Variants in PPIH observed in about 807,000 individuals in gnomAD.
The protein encoded by PPIH is peptidyl-prolyl cis-trans isomerase H.
A neutral mutation model predicts 27.6 loss-of-function variants in PPIH; 16 were observed. The ratio of observed to expected loss-of-function variants is 0.58; its 90% CI spans 0.39 to 0.88. PPIH has a LOEUF of 0.88. Ranked by LOEUF, PPIH falls within the 40% of genes least tolerant of loss-of-function variation. PPIH has a pLI of 0.00. For missense variants in PPIH, 155 were observed against 224.1 expected, an observed-to-expected ratio of 0.69 and a Z score of 1.97; for synonymous variants, 63 against 76.1, an observed-to-expected ratio of 0.83 and a Z score of 0.90.
At chr1:42,658,808 GGAC>G (rs1165194619) in intron 1 of PPIH, 33 bp from the exon 2 acceptor site, 3 of 1,611,086 alleles carry the variant, frequency 1.9e-6, no homozygotes, top group Non-Finnish European at 2.5e-6. Flanking sequence ...TCATGGTCTT[GGAC>G]TGGGCCTTCT....
intron 5 of PPIH, among the ~76,000 whole-genome samples, chr1:42,664,476 G>A (rs1254868417): frequency 6.6e-6 from 1 of 152,172 alleles, no homozygotes; most frequent in Non-Finnish European, 1.5e-5. Context: ...AGATAGTTTA[G>A]GGGAATGGGG....
chr1:42,679,043 A>G (rs1649963010), downstream of PPIH, among the ~76,000 whole-genome samples: 1 of 152,210 alleles, frequency 6.6e-6, no homozygotes, highest in Non-Finnish European at 1.5e-5. Context: ...ACTTAAAGGC[A>G]GGCACTGGAG....
intron 9 of PPIH, among the ~76,000 whole-genome samples, chr1:42,667,881 A>G (rs1175999114): frequency 6.6e-6 from 1 of 152,204 alleles, no homozygotes; most frequent in East Asian, 1.9e-4. Context: ...TGATACTGCA[A>G]TTCCAGGCCT....
At chr1:42,679,980 T>G (rs558830348), downstream of PPIH, among the ~76,000 whole-genome samples, 33 of 152,328 alleles carry the variant, frequency 2.2e-4, no homozygotes, top group Non-Finnish European at 3.5e-4. Flanking sequence ...TAACGAATCT[T>G]TTAAGGTATT....
downstream of PPIH, among the ~76,000 whole-genome samples, chr1:42,680,318 C>T (rs1459648701): frequency 6.6e-6 from 1 of 152,214 alleles, no homozygotes; most frequent in Admixed American, 6.5e-5. Flanking sequence ...TTCACCATCT[C>T]CCTTGTCATC....
At chr1:42,666,745 G>A (rs1025063946) in intron 8 of PPIH, among the ~76,000 whole-genome samples, 158 bp downstream of exon 8, 1 of 152,092 alleles carries the variant, frequency 6.6e-6, no homozygotes, top group South Asian at 2.1e-4. Context: ...TAGCCTGTCT[G>A]GCCAACACTG....
At chr1:42,680,302 T>C (rs887364111), downstream of PPIH, among the ~76,000 whole-genome samples, 2 of 152,210 alleles carry the variant, frequency 1.3e-5, no homozygotes, top group Admixed American at 1.3e-4. Context: ...AGGGCCCTTG[T>C]AATATTTCAC....
At chr1:42,667,536 G>A in intron 9 of PPIH, 96 bp downstream of exon 9, 5 of 1,016,262 alleles carry the variant, frequency 4.9e-6, no homozygotes, top group Non-Finnish European at 7.4e-6. Context: ...ACATGAGATT[G>A]AGCCCAGTTC....
chr1:42,680,682 TA>T (rs140119652), downstream of PPIH, among the ~76,000 whole-genome samples: 166 of 152,282 alleles, frequency 1.1e-3, no homozygotes, highest in African/African-American at 4.0e-3. Flanking sequence ...TGCTCTATGC[TA>T]GGGGTCAGCC....
downstream of PPIH, among the ~76,000 whole-genome samples, chr1:42,679,342 A>G (rs1384940819): frequency 6.6e-6 from 1 of 152,174 alleles, no homozygotes; most frequent in African/African-American, 2.4e-5. Flanking sequence ...GGCACATGCC[A>G]CCATGCCCAG....
intron 2 of PPIH, 105 bp from the exon 3 acceptor site, chr1:42,659,123 G>A: frequency 6.5e-7 from 1 of 1,544,458 alleles, no homozygotes; most frequent in South Asian, 1.2e-5. Flanking sequence ...CTGGCTGGCC[G>A]ATTGGTGGAC....
intron 9 of PPIH, among the ~76,000 whole-genome samples, chr1:42,670,529 TC>T (rs1649571409): frequency 6.6e-6 from 1 of 151,960 alleles, no homozygotes; most frequent in Non-Finnish European, 1.5e-5. Flanking sequence ...CTCCCCGCTC[TC>T]CCCCACTGTT....
intron 4 of PPIH, among the ~76,000 whole-genome samples, chr1:42,660,225 T>A (rs902388703): frequency 3.9e-5 from 6 of 152,136 alleles, no homozygotes; most frequent in African/African-American, 1.4e-4. Context: ...TGTAGTTCTT[T>A]CCCCCAAATT....
intron 9 of PPIH, among the ~76,000 whole-genome samples, chr1:42,671,223 GT>G (rs1453241611): frequency 6.6e-6 from 1 of 152,130 alleles, no homozygotes; most frequent in African/African-American, 2.4e-5. Context: ...GAGGCCAGGA[GT>G]TTGAGACCAG....
intron 5 of PPIH, among the ~76,000 whole-genome samples, chr1:42,662,326 C>T (rs1649082129): frequency 6.6e-6 from 1 of 152,156 alleles, no homozygotes; most frequent in Admixed American, 6.5e-5. Flanking sequence ...ATTGCTTGAT[C>T]CCAGGAGTTT....
chr1:42,680,686 G>C (rs1424180073), downstream of PPIH, among the ~76,000 whole-genome samples: 3 of 152,044 alleles, frequency 2.0e-5, no homozygotes, highest in African/African-American at 7.3e-5. Flanking sequence ...CTATGCTAGG[G>C]GTCAGCCGAC....
intron 7 of PPIH, 24 bp downstream of exon 7, chr1:42,666,091 G>GT (rs375923044): frequency 6.8e-6 from 11 of 1,606,514 alleles, no homozygotes; most frequent in African/African-American, 6.7e-5. Flanking sequence ...CTGTCTCATG[G>GT]TCCAGGCCCC....
intron 5 of PPIH, among the ~76,000 whole-genome samples, chr1:42,662,577 T>G (rs1379742338): frequency 6.6e-5 from 10 of 151,828 alleles, no homozygotes; most frequent in Admixed American, 6.6e-4. Context: ...AAAGCTTGCT[T>G]AGAACCTTCC....
At chr1:42,667,557 G>A in intron 9 of PPIH, 117 bp downstream of exon 9, 1 of 758,828 alleles carries the variant, frequency 1.3e-6, no homozygotes, top group African/African-American at 1.7e-5. Context: ...CTCCGTGTAT[G>A]GCCTTGGAGT....
Sources: allele counts gnomAD v4.1 joint callset (sites outside exome capture counted in the v4.1 genomes callset), GRCh38; gene constraint gnomAD v4.1.1; transcripts MANE v1.5; gene names NCBI Gene and HGNC (gene_info 2026-07-23, HGNC 2026-07-21).